MAGI1: variants seen among roughly 807,000 people sequenced by gnomAD.
The protein encoded by MAGI1 is membrane-associated guanylate kinase, WW and PDZ domain-containing protein 1.
A neutral mutation model predicts 139.9 loss-of-function variants in MAGI1; 58 were observed. The observed-to-expected ratio is 0.41, with a 90% confidence interval of 0.34 to 0.52. The LOEUF (loss-of-function observed/expected upper bound fraction) is 0.52, where lower values mean the gene tolerates loss of function less well. Among genes scored for constraint, MAGI1 ranks in the 20% least tolerant of loss-of-function variants. The pLI is 0.12. For synonymous variants in MAGI1, 812 were observed against 737.9 expected (o/e 1.10, Z -1.63); for missense variants, 1,874 against 1,901.6 (o/e 0.99, Z 0.27).
chr3:65,819,641 G>A (rs2041821396), intron 1 of MAGI1, among the ~76,000 whole-genome samples: 1 of 151,988 alleles, frequency 6.6e-6, no homozygotes, highest in Admixed American at 6.6e-5. Context: ...CACTTTGGGA[G>A]GCCAAGGCGG....
intron 1 of MAGI1, among the ~76,000 whole-genome samples, chr3:65,803,201 T>C (rs2108143530): frequency 6.6e-6 from 1 of 152,290 alleles, no homozygotes; most frequent in Non-Finnish European, 1.5e-5. Flanking sequence ...TAAAGTGATG[T>C]CAATTAAAAA....
At chr3:65,702,048 C>G (rs190955103) in intron 1 of MAGI1, among the ~76,000 whole-genome samples, 1 of 152,052 alleles carries the variant, frequency 6.6e-6, no homozygotes, top group African/African-American at 2.4e-5. Flanking sequence ...AAATCTACCC[C>G]CTTGGCTCAG....
chr3:65,725,789 A>G (rs9830391), intron 1 of MAGI1, among the ~76,000 whole-genome samples: 46,378 of 152,072 alleles, frequency 0.3, 7,645 homozygotes, highest in African/African-American at 0.38. Context: ...CCGATGATCA[A>G]AGACAAAAGA....
At chr3:65,897,244 C>T (rs746558883) in intron 1 of MAGI1, among the ~76,000 whole-genome samples, 1 of 148,222 alleles carries the variant, frequency 6.7e-6, no homozygotes, top group African/African-American at 2.6e-5. Flanking sequence ...AAACATGTAC[C>T]ACACTCTTTT....
intron 1 of MAGI1, among the ~76,000 whole-genome samples, chr3:65,862,210 G>A (rs538167742): frequency 6.6e-6 from 1 of 152,250 alleles, no homozygotes; most frequent in African/African-American, 2.4e-5. Flanking sequence ...ACTAGCCAGG[G>A]TCTGAAAATC....
At chr3:65,924,331 A>T (rs932821232) in intron 1 of MAGI1, among the ~76,000 whole-genome samples, 3 of 152,226 alleles carry the variant, frequency 2.0e-5, no homozygotes, top group African/African-American at 7.2e-5. Context: ...CGAATTAAGA[A>T]AGGTCGGTCT....
intron 2 of MAGI1, among the ~76,000 whole-genome samples, chr3:65,519,242 C>T (rs1487421070): frequency 6.6e-6 from 1 of 151,850 alleles, no homozygotes; most frequent in Non-Finnish European, 1.5e-5. Flanking sequence ...GACTTGACAA[C>T]ACAGAGAGAT....
intron 1 of MAGI1, among the ~76,000 whole-genome samples, chr3:65,887,850 T>G (rs144989048): frequency 8.5e-5 from 13 of 152,298 alleles, no homozygotes; most frequent in Middle Eastern, 3.4e-3. Context: ...TGAATTTATT[T>G]CCACACAAGA....
chr3:65,574,313 G>A (rs11712208), intron 2 of MAGI1, among the ~76,000 whole-genome samples: 16,369 of 150,228 alleles, frequency 0.11, 1,256 homozygotes, highest in African/African-American at 0.21. Context: ...TTCATCACCT[G>A]GGTAATAAGT....
chr3:65,910,408 A>G (rs1013576937), intron 1 of MAGI1, among the ~76,000 whole-genome samples: 1 of 152,226 alleles, frequency 6.6e-6, no homozygotes, highest in Non-Finnish European at 1.5e-5. Flanking sequence ...CAAGTCTTTC[A>G]AATGCATATT....
intron 1 of MAGI1, among the ~76,000 whole-genome samples, chr3:65,957,753 T>G (rs1560054381): frequency 6.6e-6 from 1 of 151,854 alleles, no homozygotes; most frequent in Admixed American, 6.6e-5. Context: ...GTTTTAGTTC[T>G]TTGTTGTTGT....
At chr3:65,429,412 A>G (rs1415718498) in intron 12 of MAGI1, 108 bp downstream of exon 12, 1 of 1,176,564 alleles carries the variant, frequency 8.5e-7, no homozygotes, top group East Asian at 2.4e-5. Flanking sequence ...GCATTTTGAA[A>G]CATTTAAATA....
Position 65,368,139 on chromosome 3 carries a change from A to G in MAGI1, c.3197-3193T>C, listed in dbSNP as rs143212471. On this transcript the variant is annotated intron_variant, in intron 18 of 22. Coordinates refer to ENST00000402939, the MANE Select transcript of MAGI1 (RefSeq NM_001033057.2). Reference sequence around the variant, plus strand: ...ATTATAAAAAAGAGCTTTATCCCAAAGCAAAATTGACTACTTACGGTGGAA... The same window carrying G: ...ATTATAAAAAAGAGCTTTATCCCAAGGCAAAATTGACTACTTACGGTGGAA... Among the ~76,000 whole-genome samples, 17 of 152,346 alleles carry G rather than the reference A, an allele frequency of 1.1e-4. No homozygotes were observed. In the East Asian group the frequency reaches 3.3e-3, roughly 29 times the overall value.
intron 2 of MAGI1, among the ~76,000 whole-genome samples, chr3:65,503,010 G>A (rs375586788): frequency 6.6e-6 from 1 of 152,120 alleles, no homozygotes; most frequent in African/African-American, 2.4e-5. Flanking sequence ...AAAGGGTCAC[G>A]TGAATAAATG....
At chr3:65,677,782 A>G (rs1435300712) in intron 1 of MAGI1, among the ~76,000 whole-genome samples, 1 of 152,206 alleles carries the variant, frequency 6.6e-6, no homozygotes, top group Non-Finnish European at 1.5e-5. Context: ...CAATCCACAA[A>G]GGAATGCACT....
chr3:65,771,898 T>C (rs2037981164), intron 1 of MAGI1, among the ~76,000 whole-genome samples: 5 of 152,196 alleles, frequency 3.3e-5, no homozygotes, highest in Admixed American at 3.3e-4. Context: ...TTTAAAAGAA[T>C]ACTGTGGCAT....
At chr3:65,886,916 A>G (rs1056946447) in intron 1 of MAGI1, among the ~76,000 whole-genome samples, 21 of 152,222 alleles carry the variant, frequency 1.4e-4, no homozygotes, top group African/African-American at 5.1e-4. Context: ...CTGATCCTAC[A>G]CATCTCTTCT....
At chr3:65,487,539 T>G (rs1479311860) in intron 3 of MAGI1, among the ~76,000 whole-genome samples, 2 of 152,140 alleles carry the variant, frequency 1.3e-5, no homozygotes, top group Non-Finnish European at 2.9e-5. Flanking sequence ...ATTTCAGTTC[T>G]ATCATCTGAA....
chr3:65,535,774 T>C (rs2078932247), intron 2 of MAGI1, among the ~76,000 whole-genome samples: 1 of 152,244 alleles, frequency 6.6e-6, no homozygotes, highest in South Asian at 2.1e-4. Context: ...TTTCTTAAAA[T>C]AGAGATCAGT....
Sources: gnomAD v4.1 joint callset for allele counts (sites outside exome capture counted in the v4.1 genomes callset) on GRCh38, gnomAD v4.1.1 for gene constraint, MANE v1.5 for transcripts, NCBI Gene and HGNC (gene_info 2026-07-23, HGNC 2026-07-21) for gene names.